Variants in RORA observed in about 807,000 individuals in gnomAD.
RORA encodes the protein RAR related orphan receptor A, also known as nuclear receptor ROR-alpha.
Under a neutral mutation model 69.5 loss-of-function variants are expected in RORA, and 7 were observed. The ratio of observed to expected loss-of-function variants is 0.10; its 90% CI spans 0.06 to 0.19. The LOEUF (loss-of-function observed/expected upper bound fraction) is 0.19, where lower values mean the gene tolerates loss of function less well. Ranked by LOEUF, RORA falls within the 10% of genes least tolerant of loss-of-function variation. The pLI is 1.00. For synonymous variants in RORA, 261 were observed against 240.8 expected, an observed-to-expected ratio of 1.08 and a Z score of -0.78; for missense variants, 457 against 663.0, an observed-to-expected ratio of 0.69 and a Z score of 3.41.
intron 1 of RORA, among the ~76,000 whole-genome samples, chr15:61,013,061 T>C (rs905890101): frequency 6.6e-6 from 1 of 152,210 alleles, no homozygotes; most frequent in African/African-American, 2.4e-5. Context: ...TGTCTTCAAT[T>C]TACTTCATGG....
rs151203561 is a variant in RORA at position 60,879,257 on chromosome 15, G to A, written c.167-200571C>T. ...GGCCCACAGTGCTGAGTTTCAATCT[G>A]TTGCTAGTTGCTAACCAGGTGGCCT... On this transcript the variant is annotated intron_variant, in intron 1 of 10. Coordinates refer to ENST00000335670, the MANE Select transcript of RORA (RefSeq NM_134261.3). Among the ~76,000 whole-genome samples the A allele has an allele frequency of 2.5e-3, 373 of 152,042 alleles. 3 individuals are homozygous for A. The highest frequency in any genetic ancestry group is 8.5e-3 in the African/African-American group (353 of 41,480).
At chr15:60,909,249 C>A (rs145955964) in intron 1 of RORA, among the ~76,000 whole-genome samples, 2 of 152,332 alleles carry the variant, frequency 1.3e-5, no homozygotes, top group East Asian at 3.9e-4. Context: ...ATTCCAGGTA[C>A]TCTGCTGATG....
At position 61,061,655 on chromosome 15, in the gene RORA, G is replaced by C. The variant is rs888274814; in HGVS notation, c.166+167398C>G. Among the ~76,000 whole-genome samples, 5 of 152,114 alleles carry C rather than the reference G, an allele frequency of 3.3e-5. No homozygotes were observed. Among genetic ancestry groups the C allele is most frequent in the African/African-American group, 1.2e-4 (5 of 41,414 alleles). On this transcript the variant is annotated intron_variant, in intron 1 of 10. Transcript: ENST00000335670. The surrounding 1 kb of genome is among the most constrained non-coding windows in gnomAD (Gnocchi z 4.4). ...AGGTTTACATAATCTATCTCTAATT[G>C]CAAGAGTTAAGAGGAAATTTAAACT...
intron 1 of RORA, among the ~76,000 whole-genome samples, chr15:60,971,765 C>A (rs959724627): frequency 6.6e-6 from 1 of 152,226 alleles, no homozygotes; most frequent in African/African-American, 2.4e-5. Flanking sequence ...GAGTCACATT[C>A]TCCTTCCTTT....
chr15:61,212,074 G>A (rs1223456683), intron 1 of RORA: 1 of 152,086 alleles, frequency 6.6e-6, no homozygotes, highest in African/African-American at 2.4e-5. Flanking sequence ...CCTTTCTCAA[G>A]ACCCTCTTTC....
At chr15:61,126,968 G>C (rs2079148177) in intron 1 of RORA, among the ~76,000 whole-genome samples, 1 of 152,210 alleles carries the variant, frequency 6.6e-6, no homozygotes, top group African/African-American at 2.4e-5. Flanking sequence ...TGCCCTGGGA[G>C]AGGTATTGTA....
At chr15:61,184,159 C>A (rs905118557) in intron 1 of RORA, among the ~76,000 whole-genome samples, 2 of 152,168 alleles carry the variant, frequency 1.3e-5, no homozygotes, top group African/African-American at 4.8e-5. Context: ...ACAATTTTGC[C>A]CCATCTTCCC....
At chr15:60,725,337 A>T (rs2071343249) in intron 1 of RORA, among the ~76,000 whole-genome samples, 1 of 152,166 alleles carries the variant, frequency 6.6e-6, no homozygotes, top group Non-Finnish European at 1.5e-5. Context: ...TAACTTAGTG[A>T]TATGCATCAT....
chr15:60,829,326 G>A lies in RORA; in HGVS notation c.167-150640C>T, dbSNP rs181102253. On this transcript the variant is annotated intron_variant, in intron 1 of 10. Transcript: ENST00000335670. ...AACTCTACATCTCACCGGGATGGAC[G>A]ATTCCCTCCTCAGTCCCTGTATCAG... Among the ~76,000 whole-genome samples the A allele has an allele frequency of 4.6e-5, 7 of 152,324 alleles. 1 individual carries two copies. In the East Asian group the frequency reaches 1.4e-3, roughly 29 times the overall value.
intron 1 of RORA, among the ~76,000 whole-genome samples, chr15:60,888,606 C>T (rs1336069931): frequency 1.3e-5 from 2 of 152,200 alleles, no homozygotes; most frequent in East Asian, 3.9e-4. Context: ...TAACAGCAGC[C>T]GTCTGGCCCG....
intron 2 of RORA, among the ~76,000 whole-genome samples, chr15:60,616,760 G>A (rs920645463): frequency 1.3e-5 from 2 of 152,192 alleles, no homozygotes; most frequent in South Asian, 2.1e-4. Context: ...TCATACCTGC[G>A]TTCTGTGGTT....
At chr15:60,718,023 T>G (rs921045211) in intron 1 of RORA, among the ~76,000 whole-genome samples, 3 of 152,088 alleles carry the variant, frequency 2.0e-5, no homozygotes, top group African/African-American at 7.2e-5. Context: ...AGTCTCGAAC[T>G]CCCGACCTCA....
chr15:60,830,692 T>A (rs2073030878), intron 1 of RORA, among the ~76,000 whole-genome samples: 1 of 152,198 alleles, frequency 6.6e-6, no homozygotes, highest in African/African-American at 2.4e-5. Context: ...AGCTTTTTCC[T>A]CCTCAAAGCT....
intron 2 of RORA, among the ~76,000 whole-genome samples, chr15:60,674,016 C>G (rs992322286): frequency 6.6e-5 from 10 of 152,182 alleles, no homozygotes; most frequent in Admixed American, 2.6e-4. Flanking sequence ...AATGGGCAGA[C>G]AGGATCTGGA....
intron 2 of RORA, among the ~76,000 whole-genome samples, chr15:60,616,029 C>G (rs1239493941): frequency 6.6e-6 from 1 of 152,180 alleles, no homozygotes; most frequent in East Asian, 1.9e-4. Context: ...GCAAATGCAC[C>G]TCTATTGGAC....
intron 1 of RORA, among the ~76,000 whole-genome samples, chr15:61,227,822 T>C (rs2080161924): frequency 6.6e-6 from 1 of 152,074 alleles, no homozygotes; most frequent in Non-Finnish European, 1.5e-5. Context: ...TCCTCCGGAG[T>C]GACAGGCGCG....
intron 2 of RORA, among the ~76,000 whole-genome samples, chr15:60,642,267 C>T (rs915807640): frequency 1.3e-5 from 2 of 152,030 alleles, no homozygotes; most frequent in Admixed American, 1.3e-4. Context: ...GAATGCCTAA[C>T]TTAAAAAGGA....
chr15:60,551,757 A>C (rs573734550), intron 2 of RORA, among the ~76,000 whole-genome samples: 1 of 152,128 alleles, frequency 6.6e-6, no homozygotes, highest in South Asian at 2.1e-4. Flanking sequence ...AACAAATCAA[A>C]CCCCTTTCTT....
intron 1 of RORA, among the ~76,000 whole-genome samples, chr15:60,933,368 C>T (rs1271140963): frequency 1.3e-5 from 2 of 152,200 alleles, no homozygotes; most frequent in African/African-American, 2.4e-5. Context: ...TTTCCCATTC[C>T]CTGTGCCCTT....
Sources: gnomAD v4.1 joint callset for allele counts (sites outside exome capture counted in the v4.1 genomes callset) on GRCh38, gnomAD v4.1.1 for gene constraint, Gnocchi (gnomAD v3.1) non-coding constraint, MANE v1.5 for transcripts, NCBI Gene and HGNC (gene_info 2026-07-23, HGNC 2026-07-21) for gene names.